DLG2: variants seen among roughly 807,000 people sequenced by gnomAD.
DLG2 encodes the protein discs large MAGUK scaffold protein 2.
Under a neutral mutation model 132.5 loss-of-function variants are expected in DLG2, and 45 were observed. The ratio of observed to expected loss-of-function variants is 0.34; its 90% CI spans 0.27 to 0.44. The LOEUF (loss-of-function observed/expected upper bound fraction) is 0.44. Among genes scored for constraint, DLG2 ranks in the 20% least tolerant of loss-of-function variants. The pLI is 1.00. For synonymous variants in DLG2, 424 were observed against 419.6 expected, an observed-to-expected ratio of 1.01 and a Z score of -0.13; for missense variants, 1,045 against 1,196.9, an observed-to-expected ratio of 0.87 and a Z score of 1.87.
intron 17 of DLG2, chr11:83,791,113 C>A: frequency 1.5e-6 from 1 of 670,484 alleles, no homozygotes; most frequent in Non-Finnish European, 2.7e-6. Flanking sequence ...CCTTGACTCT[C>A]ACCTCCATCT....
At chr11:83,685,388 A>G (rs947104864) in intron 18 of DLG2, among the ~76,000 whole-genome samples, 1 of 152,158 alleles carries the variant, frequency 6.6e-6, no homozygotes, top group African/African-American at 2.4e-5. Flanking sequence ...ATTGTCACTC[A>G]CAAAATCAAT....
intron 3 of DLG2, among the ~76,000 whole-genome samples, chr11:85,298,231 A>G (rs1479007999): frequency 6.6e-6 from 1 of 152,224 alleles, no homozygotes; most frequent in African/African-American, 2.4e-5. Flanking sequence ...AATGAATTAT[A>G]TAGTGTTAGA....
At chr11:85,181,735 T>G (rs567115204) in intron 4 of DLG2, among the ~76,000 whole-genome samples, 1 of 151,922 alleles carries the variant, frequency 6.6e-6, no homozygotes, top group East Asian at 1.9e-4. Flanking sequence ...AAGGAGAATT[T>G]TGTTGTGGTG....
intron 10 of DLG2, among the ~76,000 whole-genome samples, chr11:84,085,826 G>A (rs1382316797): frequency 6.6e-6 from 1 of 152,142 alleles, no homozygotes; most frequent in Non-Finnish European, 1.5e-5. Flanking sequence ...CAGCAATCCT[G>A]TTGTTCCTCT....
intron 6 of DLG2, among the ~76,000 whole-genome samples, chr11:84,553,778 C>G (rs1400761811): frequency 6.6e-6 from 1 of 152,116 alleles, no homozygotes; most frequent in Admixed American, 6.5e-5. Context: ...GTATTGTGGA[C>G]CATTCACATG....
At chr11:83,901,992 A>T (rs61901788) in intron 15 of DLG2, among the ~76,000 whole-genome samples, 14,661 of 152,086 alleles carry the variant, frequency 0.096, 838 homozygotes, top group Middle Eastern at 0.2. Flanking sequence ...TACTTTCACC[A>T]TTATTAACTA....
chr11:83,816,684 T>G (rs2049035760), intron 17 of DLG2, among the ~76,000 whole-genome samples: 1 of 152,302 alleles, frequency 6.6e-6, no homozygotes, highest in South Asian at 2.1e-4. Context: ...GTCCTATAAC[T>G]ATCCCAAACA....
chr11:85,017,111 A>G (rs763733736), intron 6 of DLG2, among the ~76,000 whole-genome samples: 3 of 151,970 alleles, frequency 2.0e-5, no homozygotes, highest in Non-Finnish European at 4.4e-5. Context: ...TAAAATATTT[A>G]CTCTCTAGCC....
At chr11:85,270,631 G>C (rs894767324) in intron 4 of DLG2, among the ~76,000 whole-genome samples, 1 of 152,186 alleles carries the variant, frequency 6.6e-6, no homozygotes, top group Non-Finnish European at 1.5e-5. Flanking sequence ...GAATGCATTT[G>C]ACCAAAATGC....
At chr11:84,390,051 T>C (rs1488976863) in intron 7 of DLG2, among the ~76,000 whole-genome samples, 15 of 152,206 alleles carry the variant, frequency 9.9e-5, no homozygotes, top group African/African-American at 3.4e-4. Flanking sequence ...GGTATAATCA[T>C]CTTTGGATGC....
intron 18 of DLG2, among the ~76,000 whole-genome samples, chr11:83,656,787 T>C (rs1239061768): frequency 6.6e-6 from 1 of 152,224 alleles, no homozygotes; most frequent in Non-Finnish European, 1.5e-5. Flanking sequence ...TGAAGTCAAG[T>C]GTACACAACA....
intron 6 of DLG2, among the ~76,000 whole-genome samples, chr11:84,648,138 T>C (rs147190218): frequency 3.9e-5 from 6 of 152,316 alleles, no homozygotes; most frequent in Admixed American, 3.3e-4. Flanking sequence ...TATACCCAAG[T>C]CATCTTATTT....
intron 6 of DLG2, among the ~76,000 whole-genome samples, chr11:84,795,061 G>T (rs2074385060): frequency 6.6e-6 from 1 of 152,224 alleles, no homozygotes; most frequent in Admixed American, 6.5e-5. Flanking sequence ...CAGTTCCATG[G>T]ACAAGAGTGA....
intron 3 of DLG2, among the ~76,000 whole-genome samples, chr11:85,583,057 AATATAT>A (rs71995683): frequency 6.3e-4 from 64 of 101,596 alleles, no homozygotes; most frequent in African/African-American, 2.9e-3. Context: ...GGAAAAAAAA[AATATAT>A]ATATATATAT....
Position 85,231,045 on chromosome 11 carries a change from G to A in DLG2, c.186+54175C>T, listed in dbSNP as rs149817055. ...ATTGCTACTATTTATTAGTTACCAAGTCTATTTTGTTATAGCAGCAAAAGT... is the reference window on the plus strand; with the variant it reads ...ATTGCTACTATTTATTAGTTACCAAATCTATTTTGTTATAGCAGCAAAAGT... On this transcript the variant is annotated intron_variant, in intron 4 of 27. Coordinates refer to ENST00000376104, the MANE Select transcript of DLG2 (RefSeq NM_001142699.3). Among the ~76,000 whole-genome samples, 1,196 of 152,040 alleles carry A rather than the reference G, an allele frequency of 7.9e-3. 12 individuals are homozygous for A. The highest frequency in any genetic ancestry group is 0.013 in the Non-Finnish European group (859 of 67,934).
At chr11:84,078,693 A>G (rs1308787285) in intron 10 of DLG2, among the ~76,000 whole-genome samples, 1 of 152,214 alleles carries the variant, frequency 6.6e-6, no homozygotes, top group Non-Finnish European at 1.5e-5. Flanking sequence ...TACTCAATTT[A>G]GAAAGCTCTG....
chr11:85,157,265 A>G lies in DLG2; in HGVS notation c.187-2614T>C, dbSNP rs1036001944. The stretch of plus-strand genomic sequence containing the variant: ...TTGTGATCATATCAGTTAATACTTA[A>G]TAAGCACATATATATATATGTGATT... On this transcript the variant is annotated intron_variant, in intron 4 of 27. Coordinates refer to ENST00000376104, the MANE Select transcript of DLG2 (RefSeq NM_001142699.3). Among the ~76,000 whole-genome samples the G allele has an allele frequency of 4.6e-5, 7 of 151,842 alleles. No homozygotes were observed. In the Admixed American group the frequency reaches 4.6e-4, roughly 10 times the overall value.
chr11:85,422,153 C>A (rs945029862), intron 3 of DLG2, among the ~76,000 whole-genome samples: 9 of 152,188 alleles, frequency 5.9e-5, no homozygotes, highest in Admixed American at 2.6e-4. Flanking sequence ...AACCTGATAA[C>A]AATGTGCCTA....
intron 18 of DLG2, among the ~76,000 whole-genome samples, chr11:83,720,408 G>A (rs899740679): frequency 1.4e-5 from 2 of 147,948 alleles, no homozygotes; most frequent in African/African-American, 2.5e-5. Flanking sequence ...CACTACAAAA[G>A]GTACTCCAAG....
Sources: allele counts gnomAD v4.1 joint callset (sites outside exome capture counted in the v4.1 genomes callset), GRCh38; gene constraint gnomAD v4.1.1; transcripts MANE v1.5; gene names NCBI Gene and HGNC (gene_info 2026-07-23, HGNC 2026-07-21).